The following TBC1D1 variants were observed in gnomAD, a reference collection of about 807,000 sequenced individuals.
TBC1D1 encodes the protein TBC1 domain family member 1, also known as TBC1 (tre-2/USP6, BUB2, cdc16) domain family, member 1.
In TBC1D1, 89 loss-of-function variants were observed where a neutral mutation model predicts 125.6. That is an observed-to-expected ratio of 0.71 (90% CI 0.60 to 0.85). TBC1D1 has a LOEUF of 0.85. TBC1D1 is among the 40% of genes least tolerant of loss of function. The pLI, the probability that TBC1D1 is intolerant of heterozygous loss-of-function variation, is 0.00. For missense variants in TBC1D1, 1,377 were observed against 1,469.2 expected (o/e 0.94, Z 1.03); for synonymous variants, 565 against 564.1 (o/e 1.00, Z -0.02).
At chr4:37,955,309 C>T (rs566882910) in intron 2 of TBC1D1, among the ~76,000 whole-genome samples, 209 of 152,248 alleles carry the variant, frequency 1.4e-3, no homozygotes, top group African/African-American at 4.9e-3. Flanking sequence ...ACATACATAC[C>T]TCTCTATGTG....
intron 15 of TBC1D1, among the ~76,000 whole-genome samples, chr4:38,107,577 G>GTTTT (rs3038351): frequency 0.03 from 1,601 of 52,994 alleles, 155 homozygotes; most frequent in African/African-American, 0.1. Context: ...GTCTAAACAG[G>GTTTT]TTTTTTTTTT....
intron 12 of TBC1D1, among the ~76,000 whole-genome samples, chr4:38,059,912 TC>T (rs778041640): frequency 3.3e-5 from 5 of 152,260 alleles, no homozygotes; most frequent in African/African-American, 9.6e-5. Flanking sequence ...TGTTTGTTGT[TC>T]CCTTTCCTAT....
At chr4:37,962,853 T>A (rs558079948) in intron 2 of TBC1D1, among the ~76,000 whole-genome samples, 1 of 152,348 alleles carries the variant, frequency 6.6e-6, no homozygotes, top group South Asian at 2.1e-4. Flanking sequence ...GAAAGTGTTT[T>A]AAAAATCACC....
intron 2 of TBC1D1, among the ~76,000 whole-genome samples, chr4:37,967,968 G>A (rs1731368684): frequency 6.6e-6 from 1 of 152,086 alleles, no homozygotes; most frequent in Non-Finnish European, 1.5e-5. Flanking sequence ...AAGATTATTT[G>A]CTTAAACTTT....
intron 2 of TBC1D1, among the ~76,000 whole-genome samples, chr4:37,917,979 A>G (rs1405392138): frequency 6.6e-6 from 1 of 152,216 alleles, no homozygotes; most frequent in Non-Finnish European, 1.5e-5. Context: ...AGGAGCTGGC[A>G]TGACTTAGAG....
chr4:37,928,009 G>A (rs1722472515), intron 2 of TBC1D1, among the ~76,000 whole-genome samples: 1 of 152,182 alleles, frequency 6.6e-6, no homozygotes, highest in Non-Finnish European at 1.5e-5. Flanking sequence ...GTGATTAAAA[G>A]CATGCACTCT....
chr4:37,984,486 A>C (rs368818181), intron 2 of TBC1D1, among the ~76,000 whole-genome samples: 2 of 152,060 alleles, frequency 1.3e-5, no homozygotes, highest in East Asian at 3.9e-4. Flanking sequence ...GTTTTAATTT[A>C]TGTTTCTTTA....
intron 17 of TBC1D1, among the ~76,000 whole-genome samples, chr4:38,121,410 C>T (rs1763828176): frequency 6.6e-6 from 1 of 152,194 alleles, no homozygotes; most frequent in African/African-American, 2.4e-5. Context: ...AAAGCAGTTC[C>T]TTTGTGTTGT....
intron 12 of TBC1D1, among the ~76,000 whole-genome samples, chr4:38,062,826 G>T (rs1228057535): frequency 2.0e-5 from 3 of 152,186 alleles, no homozygotes; most frequent in African/African-American, 7.2e-5. Context: ...CTGGAGCTAA[G>T]GTTATTGGTG....
rs1765855442 is a variant in TBC1D1 at position 38,133,021 on chromosome 4, C to T, written c.3133-63C>T. 2.7e-6 allele frequency: 4 copies of T among 1,496,240 alleles called. No individual in the cohort carries two copies. The East Asian group carries it at 9.1e-5, about 34-fold the overall frequency. 92.7% of individuals were successfully genotyped at this position (1,496,240 alleles called of 1,614,324 possible). ...GTGCGCATTGTCGTGATTGCAGACG[C>T]CTGCCTGTACTTGTGGGGTTTTTCT... On this transcript the variant is annotated intron_variant, in intron 18 of 19. Transcript: ENST00000261439.
intron 11 of TBC1D1, 27 bp from the exon 12 acceptor site, chr4:38,051,872 C>A (rs1053257567): frequency 1.3e-6 from 2 of 1,544,068 alleles, no homozygotes; most frequent in African/African-American, 1.4e-5. Flanking sequence ...TGCTAACCCC[C>A]CCGTGCTTTC....
At chr4:37,944,200 C>A (rs955115158) in intron 2 of TBC1D1, among the ~76,000 whole-genome samples, 1 of 152,152 alleles carries the variant, frequency 6.6e-6, no homozygotes, top group Non-Finnish European at 1.5e-5. Flanking sequence ...CTGGAAGCTT[C>A]GTCTCAGAGG....
rs1737622498 is a variant in TBC1D1 at position 37,995,572 on chromosome 4, G to A, written c.418-18937G>A. The A allele has an allele frequency of 9.1e-6, 4 of 437,706 alleles. No individual in the cohort carries two copies. Among genetic ancestry groups the A allele is most frequent in the Non-Finnish European group, 8.9e-6 (2 of 224,148 alleles). The allele number at this position is 437,706 out of a possible 1,614,324, so 27.1% of individuals were successfully genotyped here. On this transcript the variant is annotated intron_variant, in intron 2 of 19. Transcript: ENST00000261439. The surrounding 1 kb of genome is among the most constrained non-coding windows in gnomAD (Gnocchi z 4.3). ...GGTGCTGATGATATGATAAAGCTCA[G>A]CACAGAAGGCCTTCAGGTCCAGTAC...
At chr4:38,039,033 C>T (rs1034149866) in intron 8 of TBC1D1, among the ~76,000 whole-genome samples, 1 of 149,720 alleles carries the variant, frequency 6.7e-6, no homozygotes, top group Non-Finnish European at 1.5e-5. Flanking sequence ...CCCAGGTAAC[C>T]ACTGTTTTGA....
chr4:37,984,380 A>G (rs1386008816), intron 2 of TBC1D1, among the ~76,000 whole-genome samples: 1 of 152,242 alleles, frequency 6.6e-6, no homozygotes, highest in African/African-American at 2.4e-5. Flanking sequence ...ATTGCCATCA[A>G]CAATGAATGA....
At chr4:37,905,999 T>C (rs1463443494) in intron 2 of TBC1D1, among the ~76,000 whole-genome samples, 1 of 152,218 alleles carries the variant, frequency 6.6e-6, no homozygotes, top group South Asian at 2.1e-4. Flanking sequence ...TCCAGGATTG[T>C]GTAAGCTGAA....
In TBC1D1 at chr4:37,935,672, C is replaced by A. The variant is rs80190236; in HGVS notation, c.417+33160C>A. On this transcript the variant is annotated intron_variant, in intron 2 of 19. Coordinates refer to ENST00000261439, the MANE Select transcript of TBC1D1 (RefSeq NM_015173.4). ...AGAGCGATCTTTCTAATTTGCAGAT[C>A]TGACAGTACACCTTTCTGCTGTCTC... is the stretch of plus-strand genomic sequence containing the variant. Among the ~76,000 whole-genome samples the A allele has an allele frequency of 4.3e-3, 660 of 152,300 alleles. 1 individual carries two copies. The highest frequency in any genetic ancestry group is 0.01 in the Middle Eastern group (3 of 294).
intron 2 of TBC1D1, among the ~76,000 whole-genome samples, chr4:37,980,175 C>T (rs764597280): frequency 5.9e-5 from 9 of 152,008 alleles, no homozygotes; most frequent in African/African-American, 1.5e-4. Flanking sequence ...AAAGCCAAAA[C>T]GGGAGAGTTT....
chr4:38,119,962 T>C, intron 17 of TBC1D1: 1 of 985,408 alleles, frequency 1.0e-6, no homozygotes, highest in South Asian at 4.7e-5. Context: ...AAGAGAAATT[T>C]TTCCTTCGGC....
Sources: gnomAD v4.1 joint callset for allele counts (sites outside exome capture counted in the v4.1 genomes callset) on GRCh38, gnomAD v4.1.1 for gene constraint, Gnocchi (gnomAD v3.1) non-coding constraint, MANE v1.5 for transcripts, NCBI Gene and HGNC (gene_info 2026-07-23, HGNC 2026-07-21) for gene names.